DLG2: variants seen among roughly 807,000 people sequenced by gnomAD.
The protein encoded by DLG2 is discs large MAGUK scaffold protein 2, also known as disks large homolog 2.
In DLG2, 45 loss-of-function variants were observed where a neutral mutation model predicts 132.5. The observed-to-expected ratio is 0.34, with a 90% CI of 0.27 to 0.44. The LOEUF (loss-of-function observed/expected upper bound fraction) is 0.44. Ranked by LOEUF, DLG2 falls within the 20% of genes least tolerant of loss-of-function variation. The pLI, the probability that DLG2 is intolerant of heterozygous loss-of-function variation, is 1.00. For synonymous variants in DLG2, 424 were observed against 419.6 expected (o/e 1.01, Z -0.13); for missense variants, 1,045 against 1,196.9 (o/e 0.87, Z 1.87).
intron 6 of DLG2, among the ~76,000 whole-genome samples, chr11:85,029,652 C>A (rs184365334): frequency 6.6e-6 from 1 of 152,200 alleles, no homozygotes; most frequent in East Asian, 1.9e-4. Context: ...TGCCTCCTTA[C>A]CTATCTTAAA....
intron 1 of DLG2, 141 bp from the exon 2 acceptor site, chr11:85,626,894 T>C (rs1355105224): frequency 6.6e-6 from 1 of 152,186 alleles, no homozygotes; most frequent in East Asian, 1.9e-4. Flanking sequence ...TTTTACAAAC[T>C]GGGAAAATTA....
intron 6 of DLG2, among the ~76,000 whole-genome samples, chr11:84,998,439 G>C (rs996314583): frequency 1.3e-5 from 2 of 152,124 alleles, no homozygotes; most frequent in African/African-American, 4.8e-5. Flanking sequence ...AAGACATGCA[G>C]AACTGTGAGT....
At chr11:85,236,889 T>C (rs1175303464) in intron 4 of DLG2, among the ~76,000 whole-genome samples, 14 of 152,030 alleles carry the variant, frequency 9.2e-5, no homozygotes, top group Non-Finnish European at 1.5e-5. Flanking sequence ...GAATATATGT[T>C]CATGATGACA....
At chr11:83,564,743 T>C (rs2096672798) in intron 19 of DLG2, among the ~76,000 whole-genome samples, 1 of 152,214 alleles carries the variant, frequency 6.6e-6, no homozygotes, top group Non-Finnish European at 1.5e-5. Flanking sequence ...AATAAAACCA[T>C]TCCATCTCTC....
At chr11:85,594,444 T>C (rs1488196491) in intron 3 of DLG2, among the ~76,000 whole-genome samples, 1 of 152,226 alleles carries the variant, frequency 6.6e-6, no homozygotes. Context: ...CCGCTTGTTC[T>C]CCTCTAATTT....
chr11:83,811,891 C>T (rs1053181591), intron 17 of DLG2, among the ~76,000 whole-genome samples: 12 of 151,932 alleles, frequency 7.9e-5, no homozygotes, highest in Non-Finnish European at 1.3e-4. Flanking sequence ...TATTTTTTCC[C>T]CTGCTGTATA....
intron 8 of DLG2, among the ~76,000 whole-genome samples, chr11:84,245,900 T>C (rs1208670592): frequency 6.6e-6 from 1 of 152,248 alleles, no homozygotes; most frequent in Admixed American, 6.5e-5. Flanking sequence ...ATACTCACTC[T>C]TCCCCTAATT....
intron 3 of DLG2, among the ~76,000 whole-genome samples, chr11:85,369,507 G>T (rs2084812820): frequency 6.6e-6 from 1 of 151,760 alleles, no homozygotes; most frequent in Non-Finnish European, 1.5e-5. Flanking sequence ...ACTAGACCAG[G>T]CAACCCAACT....
At chr11:85,219,707 C>T (rs928547547) in intron 4 of DLG2, among the ~76,000 whole-genome samples, 1 of 148,210 alleles carries the variant, frequency 6.7e-6, no homozygotes, top group African/African-American at 2.5e-5. Flanking sequence ...TAAGTTAGGG[C>T]CCACTCTAAT....
At chr11:83,568,181 C>T (rs1331819384) in intron 19 of DLG2, among the ~76,000 whole-genome samples, 7 of 151,918 alleles carry the variant, frequency 4.6e-5, no homozygotes, top group Non-Finnish European at 5.9e-5. Flanking sequence ...AAGGTAGTAG[C>T]CATGGGGATG....
intron 10 of DLG2, among the ~76,000 whole-genome samples, chr11:84,090,414 CAAAAAAAAAAAA>C (rs397848695): frequency 1.3e-5 from 1 of 78,604 alleles, no homozygotes; most frequent in Non-Finnish European, 2.4e-5. Flanking sequence ...GATTTCATCT[CAAAAAAAAAAAA>C]AAAAAAAAAA....
chr11:84,470,944 A>G (rs2099106833), intron 7 of DLG2, among the ~76,000 whole-genome samples: 2 of 151,836 alleles, frequency 1.3e-5, no homozygotes, highest in Admixed American at 6.6e-5. Context: ...TGGCACTAAG[A>G]CAGACAGGGA....
chr11:84,095,218 CAGAG>C (rs993894154), intron 10 of DLG2, among the ~76,000 whole-genome samples: 1 of 151,958 alleles, frequency 6.6e-6, no homozygotes, highest in Non-Finnish European at 1.5e-5. Context: ...TGCTTAGAGA[CAGAG>C]AGGGAAGGTA....
intron 6 of DLG2, among the ~76,000 whole-genome samples, chr11:84,647,136 A>G (rs1310555167): frequency 6.6e-6 from 1 of 152,178 alleles, no homozygotes; most frequent in Non-Finnish European, 1.5e-5. Flanking sequence ...TAATGGCATA[A>G]TAAGAGCTAT....
chr11:84,563,661 C>G lies in DLG2; in HGVS notation c.358-28930G>C, dbSNP rs557671762. ...CTCTAAAATCGGTCTTGTTCTTACA[C>G]TCATGCGTAGCTGGCTTTGAGTTCA... is the stretch of plus-strand genomic sequence containing the variant. On this transcript the variant is annotated intron_variant, in intron 6 of 27. Transcript: ENST00000376104. 2.0e-5 allele frequency among the ~76,000 whole-genome samples: 3 copies of G among 152,338 alleles called. No individual in the cohort carries two copies. In the South Asian group the frequency reaches 6.2e-4, roughly 32 times the overall value.
At position 84,933,859 on chromosome 11, in the gene DLG2, C is replaced by T. The variant is rs182912959; in HGVS notation, c.357+177802G>A. ...CTGTCTGGATGCACTTTATTTCCTT[C>T]TCTTTCCTCATTGCCCTGGCAAGGA... On this transcript the variant is annotated intron_variant, in intron 6 of 27. Transcript: ENST00000376104. Among the ~76,000 whole-genome samples the T allele has an allele frequency of 2.8e-3, 423 of 152,304 alleles. 2 individuals are homozygous for T. The highest frequency in any genetic ancestry group is 1.8e-3 in the Non-Finnish European group (125 of 68,018).
In DLG2 at chr11:84,287,922, T is replaced by C. The variant is rs1364591241; in HGVS notation, c.520-36631A>G. Among the ~76,000 whole-genome samples the C allele has an allele frequency of 2.6e-5, 4 of 152,042 alleles. No homozygotes were observed. In the East Asian group the frequency reaches 7.7e-4, roughly 29 times the overall value. On this transcript the variant is annotated intron_variant, in intron 7 of 27. Coordinates refer to ENST00000376104, the MANE Select transcript of DLG2 (RefSeq NM_001142699.3). Reference sequence around the variant, plus strand: ...GGATTACTAGTGCATGGAAAGGTCATGCATTAAATGAAAAAGCAAAGAAAT... The same window carrying C: ...GGATTACTAGTGCATGGAAAGGTCACGCATTAAATGAAAAAGCAAAGAAAT...
intron 16 of DLG2, among the ~76,000 whole-genome samples, chr11:83,845,641 A>C (rs2058471038): frequency 6.6e-6 from 1 of 152,238 alleles, no homozygotes; most frequent in Non-Finnish European, 1.5e-5. Flanking sequence ...GCAAAATAAT[A>C]ACCACACTGA....
intron 3 of DLG2, among the ~76,000 whole-genome samples, chr11:85,322,876 A>G (rs540274365): frequency 6.6e-6 from 1 of 152,142 alleles, no homozygotes; most frequent in Non-Finnish European, 1.5e-5. Context: ...GGTAACCAAC[A>G]TCTCACACCT....
Sources: gnomAD v4.1 joint callset for allele counts (sites outside exome capture counted in the v4.1 genomes callset) on GRCh38, gnomAD v4.1.1 for gene constraint, MANE v1.5 for transcripts, NCBI Gene and HGNC (gene_info 2026-07-23, HGNC 2026-07-21) for gene names.